KALRN: variants seen among roughly 807,000 people sequenced by gnomAD.
KALRN encodes kalirin.
In KALRN, 70 loss-of-function variants were observed where a neutral mutation model predicts 353.7. The ratio of observed to expected loss-of-function variants is 0.20; its 90% CI spans 0.16 to 0.24. KALRN has a LOEUF of 0.24. Among genes scored for constraint, KALRN ranks in the 10% least tolerant of loss-of-function variants. The pLI is 1.00. For missense variants in KALRN, 2,791 were observed against 3,756.7 expected, an observed-to-expected ratio of 0.74 and a Z score of 6.72; for synonymous variants, 1,391 against 1,434.8, an observed-to-expected ratio of 0.97 and a Z score of 0.69.
intron 5 of KALRN, among the ~76,000 whole-genome samples, chr3:124,295,231 C>T (rs2076758904): frequency 6.6e-6 from 1 of 152,176 alleles, no homozygotes; most frequent in Non-Finnish European, 1.5e-5. Flanking sequence ...CATCTAATCC[C>T]CAGAGCAGGT....
chr3:124,327,255 T>C (rs775208210), intron 7 of KALRN, among the ~76,000 whole-genome samples: 1 of 152,238 alleles, frequency 6.6e-6, no homozygotes, highest in Non-Finnish European at 1.5e-5. Context: ...CAAGGAAATA[T>C]TCTTCCAATA....
intron 1 of KALRN, among the ~76,000 whole-genome samples, chr3:124,169,939 G>A (rs1560135236): frequency 6.6e-6 from 1 of 152,168 alleles, no homozygotes. Context: ...TAGGATCAGT[G>A]TTCTGAATAC....
intron 8 of KALRN, among the ~76,000 whole-genome samples, chr3:124,332,123 G>A (rs1286240402): frequency 6.6e-6 from 1 of 152,140 alleles, no homozygotes; most frequent in Non-Finnish European, 1.5e-5. Flanking sequence ...AGTCAATTAT[G>A]GGAGATGGGG....
chr3:124,453,349 G>A (rs114392312), intron 21 of KALRN, among the ~76,000 whole-genome samples: 2,152 of 152,296 alleles, frequency 0.014, 24 homozygotes, highest in Middle Eastern at 0.037. Context: ...TCCATGTGCC[G>A]AGTGAGCTAC....
intron 47 of KALRN, among the ~76,000 whole-genome samples, chr3:124,669,655 T>G (rs1222055699): frequency 6.6e-6 from 1 of 152,168 alleles, no homozygotes; most frequent in Non-Finnish European, 1.5e-5. Flanking sequence ...CCAAGAGACC[T>G]TTCTCCTAAT....
chr3:124,442,592 C>T (rs1704401539), intron 19 of KALRN, among the ~76,000 whole-genome samples: 1 of 152,110 alleles, frequency 6.6e-6, no homozygotes, highest in Non-Finnish European at 1.5e-5. Flanking sequence ...ACTTTAGTTT[C>T]TTATTTAAAA....
At chr3:124,295,653 C>A (rs542058140) in intron 5 of KALRN, among the ~76,000 whole-genome samples, 45 of 152,204 alleles carry the variant, frequency 3.0e-4, no homozygotes, top group African/African-American at 1.0e-3. Context: ...CTGAAACATC[C>A]AAGAAAGTGT....
At chr3:124,167,756 A>G (rs2071104611) in intron 1 of KALRN, among the ~76,000 whole-genome samples, 1 of 152,236 alleles carries the variant, frequency 6.6e-6, no homozygotes, top group Non-Finnish European at 1.5e-5. Flanking sequence ...TAGAGTAGCC[A>G]ATAGTCACAT....
intron 1 of KALRN, among the ~76,000 whole-genome samples, chr3:124,040,746 G>A (rs150202294): frequency 5.8e-4 from 89 of 152,210 alleles, no homozygotes; most frequent in Non-Finnish European, 1.1e-3. Context: ...GAAAAAACAT[G>A]TATGGAGCAT....
intron 34 of KALRN, among the ~76,000 whole-genome samples, chr3:124,580,587 C>T (rs988354345): frequency 6.6e-6 from 1 of 152,194 alleles, no homozygotes; most frequent in Non-Finnish European, 1.5e-5. Flanking sequence ...CATCTATTAA[C>T]CCTCTCAACT....
At chr3:124,625,970 A>G (rs1328005372) in intron 34 of KALRN, among the ~76,000 whole-genome samples, 3 of 152,140 alleles carry the variant, frequency 2.0e-5, no homozygotes, top group Admixed American at 6.6e-5. Flanking sequence ...AATCCCAGCT[A>G]CACCAGAGGT....
At chr3:124,584,710 G>C (rs1484125963) in intron 34 of KALRN, 5 of 1,479,960 alleles carry the variant, frequency 3.4e-6, no homozygotes, top group Non-Finnish European at 4.5e-6. Context: ...GAGCACAGCG[G>C]GGAGGGCGGG....
At chr3:124,160,374 G>A (rs1162087498) in intron 1 of KALRN, among the ~76,000 whole-genome samples, 1 of 152,068 alleles carries the variant, frequency 6.6e-6, no homozygotes, top group African/African-American at 2.4e-5. Flanking sequence ...TTTTTATGAA[G>A]AAGGAATCTG....
chr3:124,691,253 A>AC (rs1301834777), intron 51 of KALRN, among the ~76,000 whole-genome samples: 2 of 151,996 alleles, frequency 1.3e-5, no homozygotes, highest in Non-Finnish European at 2.9e-5. Context: ...ACGTGGCGAG[A>AC]CCCCGTCTCT....
At position 124,573,491 on chromosome 3, in the gene KALRN, C is replaced by T. The variant is rs892291301; in HGVS notation, c.5182+10402C>T. On this transcript the variant is annotated intron_variant, in intron 34 of 59. Transcript: ENST00000682506. ...GGGGTCAGGGTTCTCTTTCTAGTTT[C>T]CATTGGTTTTCTTTTTTCTTTTTTT... is the stretch of plus-strand genomic sequence containing the variant. Among the ~76,000 whole-genome samples, 7 of 152,184 alleles carry T rather than the reference C, an allele frequency of 4.6e-5. No homozygotes were observed. In the East Asian group the frequency reaches 1.4e-3, roughly 29 times the overall value.
chr3:124,417,950 A>T (rs565962745), intron 14 of KALRN, among the ~76,000 whole-genome samples: 2 of 152,342 alleles, frequency 1.3e-5, no homozygotes, highest in East Asian at 3.9e-4. Flanking sequence ...GCATGAAGGA[A>T]CAAATTCTTT....
Position 124,671,852 on chromosome 3 carries a change from C to T in KALRN, c.6896C>T (p.Pro2299Leu). 2 of 1,614,154 alleles carry T rather than the reference C, an allele frequency of 1.2e-6. No individual in the cohort carries two copies. Among genetic ancestry groups the T allele is most frequent in the South Asian group, 1.1e-5 (1 of 91,080 alleles). The change falls in exon 48 of 60, where the codon CCA (proline) becomes CTA (leucine). Residue 2299 changes from proline (P) to leucine (L), a missense_variant. By Grantham distance (98) the Pro-to-Leu change is moderately conservative. This residue lies in a region of KALRN where 1,065 missense variants were observed against 1,156.4 expected (regional missense o/e 0.92). Coordinates refer to ENST00000682506, the MANE Select transcript of KALRN (RefSeq NM_001388419.1). ...PLKISTSNGS[P>L]GFEYHQPGDK... ...AAGATATCTACCTCCAATGGCAGTC[C>T]AGGGTTTGAATACCACCAGCCTGGG...
intron 1 of KALRN, among the ~76,000 whole-genome samples, chr3:124,088,178 A>G (rs2060922532): frequency 6.6e-6 from 1 of 152,064 alleles, no homozygotes; most frequent in South Asian, 2.1e-4. Flanking sequence ...GATGCCAAAT[A>G]ATTGTTGTTC....
chr3:124,607,168 G>C (rs2077432726), intron 34 of KALRN, among the ~76,000 whole-genome samples: 2 of 152,240 alleles, frequency 1.3e-5, no homozygotes, highest in African/African-American at 4.8e-5. Context: ...GTTTCCAATA[G>C]GGGAATGATT....
Sources: gnomAD v4.1 joint callset for allele counts (sites outside exome capture counted in the v4.1 genomes callset) on GRCh38, gnomAD v4.1.1 for gene constraint, gnomAD v4.1.1 regional missense constraint, MANE v1.5 for transcripts, NCBI Gene and HGNC (gene_info 2026-07-23, HGNC 2026-07-21) for gene names.